The following ARIH2 variants were observed in gnomAD, a reference collection of about 807,000 sequenced individuals.
The protein encoded by ARIH2 is ariadne RBR E3 ubiquitin protein ligase 2.
In ARIH2, 12 loss-of-function variants were observed where a neutral mutation model predicts 79.8. That is an observed-to-expected ratio of 0.15 (90% confidence interval 0.10 to 0.24). ARIH2 has a LOEUF of 0.24. Ranked by LOEUF, ARIH2 falls within the 10% of genes least tolerant of loss-of-function variation. ARIH2 has a pLI of 1.00. For missense variants in ARIH2, 301 were observed against 618.3 expected, an observed-to-expected ratio of 0.49 and a Z score of 5.44; for synonymous variants, 224 against 213.9, an observed-to-expected ratio of 1.05 and a Z score of -0.41.
intron 3 of ARIH2, among the ~76,000 whole-genome samples, chr3:48,948,854 T>A (rs2089576032): frequency 6.6e-6 from 1 of 152,274 alleles, no homozygotes; most frequent in African/African-American, 2.4e-5. Flanking sequence ...TTGAGGTTCA[T>A]CCATATTGTA....
At chr3:48,943,392 T>G (rs1213913504) in intron 3 of ARIH2, 4 of 152,238 alleles carry the variant, frequency 2.6e-5, no homozygotes, top group Admixed American at 2.6e-4. Flanking sequence ...ACCTCTCCTG[T>G]ATCCCTGTGC....
rs769076040 is a variant in ARIH2, at chr3:48,974,948, C to A, written c.940-10C>A. ...CCCTTAACGTGTTTTCTTCTGTTTCCCTCTGACAGCAATGCTCCAAATGTA... is the reference window on the plus strand; with the variant it reads ...CCCTTAACGTGTTTTCTTCTGTTTCACTCTGACAGCAATGCTCCAAATGTA... On this transcript the variant is annotated splice_polypyrimidine_tract_variant and intron_variant, in intron 10 of 15. Coordinates refer to ENST00000356401, the MANE Select transcript of ARIH2 (RefSeq NM_006321.4). 6.2e-7 allele frequency: 1 copy of A among 1,614,128 alleles called. No individual in the cohort carries two copies. Among genetic ancestry groups the A allele is most frequent in the East Asian group, 2.2e-5 (1 of 44,880 alleles).
chr3:48,964,993 A>T lies in ARIH2; in HGVS notation c.387+11A>T, dbSNP rs767701364. On this transcript the variant is annotated intron_variant, in intron 5 of 15. Transcript: ENST00000356401. ...AATCCATCAAAACATGTGAGTGTCT[A>T]TTACTTGAATGAGGCTTCTCCTAAT... 1 of 1,611,096 alleles carries T rather than the reference A, an allele frequency of 6.2e-7. No individual in the cohort carries two copies. Among genetic ancestry groups the T allele is most frequent in the South Asian group, 1.1e-5 (1 of 90,948 alleles).
intron 3 of ARIH2, among the ~76,000 whole-genome samples, chr3:48,942,280 A>G (rs1576274573): frequency 6.6e-6 from 1 of 151,870 alleles, no homozygotes; most frequent in Non-Finnish European, 1.5e-5. Context: ...TGAATTCCTG[A>G]CCTCAGGAGA....
chr3:48,944,264 T>G (rs1436876419), intron 3 of ARIH2, among the ~76,000 whole-genome samples: 1 of 152,118 alleles, frequency 6.6e-6, no homozygotes, highest in Non-Finnish European at 1.5e-5. Flanking sequence ...TTCACTTTGG[T>G]AGATGTTTGA....
At chr3:48,942,777 G>A (rs759053305) in intron 3 of ARIH2, among the ~76,000 whole-genome samples, 2 of 150,676 alleles carry the variant, frequency 1.3e-5, no homozygotes, top group Admixed American at 6.7e-5. Context: ...TCAGCCTCCC[G>A]AGTAACTGGG....
intron 2 of ARIH2, among the ~76,000 whole-genome samples, chr3:48,924,351 AATTATTATT>A (rs893049798): frequency 1.3e-5 from 2 of 150,318 alleles, no homozygotes; most frequent in South Asian, 2.1e-4. Context: ...TATTTACCTG[AATTATTATT>A]ATTATTATTA....
rs750415243 is a variant in ARIH2 at position 48,918,861 on chromosome 3, T to C, written c.-299T>C. 3.1e-6 allele frequency: 5 copies of C among 1,610,490 alleles called. No homozygotes were observed. The highest frequency in any genetic ancestry group is 4.2e-6 in the Non-Finnish European group (5 of 1,179,492). ...ACTTCCGGAGCTGTGGGGACGACTCTTCTGGAGGAAGCAGCGCGGGCTTGA... is the reference window on the plus strand; with the variant it reads ...ACTTCCGGAGCTGTGGGGACGACTCCTCTGGAGGAAGCAGCGCGGGCTTGA... On this transcript the variant is annotated 5_prime_UTR_variant, in exon 1 of 16. Transcript: ENST00000356401.
intron 4 of ARIH2, among the ~76,000 whole-genome samples, chr3:48,963,680 C>G (rs951126283): frequency 1.3e-5 from 2 of 152,124 alleles, no homozygotes; most frequent in African/African-American, 4.8e-5. Flanking sequence ...AGGTTGTTTT[C>G]CAGAGTGATT....
At chr3:48,981,469 A>G (rs941820553) in intron 13 of ARIH2, among the ~76,000 whole-genome samples, 191 bp from the exon 14 acceptor site, 5 of 152,104 alleles carry the variant, frequency 3.3e-5, no homozygotes, top group Admixed American at 1.3e-4. Context: ...TTCTGTGACC[A>G]TCGTTGTTTG....
At chr3:48,934,213 C>T (rs564953204) in intron 3 of ARIH2, 9 of 351,020 alleles carry the variant, frequency 2.6e-5, no homozygotes, top group South Asian at 2.3e-4. Context: ...TCACTTGTAA[C>T]GTGATCAATT....
At chr3:48,969,474 T>C (rs1165015862) in intron 7 of ARIH2, among the ~76,000 whole-genome samples, 3 of 151,534 alleles carry the variant, frequency 2.0e-5, no homozygotes, top group African/African-American at 4.8e-5. Flanking sequence ...TAATTTTCTT[T>C]TCTTTTTCTT....
chr3:48,969,331 T>C (rs2092024087), intron 7 of ARIH2, among the ~76,000 whole-genome samples: 1 of 152,144 alleles, frequency 6.6e-6, no homozygotes, highest in African/African-American at 2.4e-5. Flanking sequence ...TTCAGTTTCC[T>C]GTGTGGTTGA....
At chr3:48,932,229 A>C (rs1162901142) in intron 3 of ARIH2, among the ~76,000 whole-genome samples, 1 of 152,152 alleles carries the variant, frequency 6.6e-6, no homozygotes. Flanking sequence ...GCTGGCATTC[A>C]AATAGTGGCA....
rs888715607 is a variant in ARIH2 at position 48,967,020 on chromosome 3, G to T, written c.388-105G>T. Reference sequence around the variant, plus strand: ...ACATTGCAGTTGAGCTCTGATACTTGTTGCAGGGTGAGGATCACTTTCCAT... The same window carrying T: ...ACATTGCAGTTGAGCTCTGATACTTTTTGCAGGGTGAGGATCACTTTCCAT... On this transcript the variant is annotated intron_variant, in intron 5 of 15. Coordinates refer to ENST00000356401, the MANE Select transcript of ARIH2 (RefSeq NM_006321.4). 2.7e-5 allele frequency: 34 copies of T among 1,241,120 alleles called. No homozygotes were observed. The Admixed American group carries it at 4.7e-4, about 17-fold the overall frequency. The allele number at this position is 1,241,120 out of a possible 1,614,324, so 76.9% of individuals were successfully genotyped here. A position where few individuals can be genotyped will look rare whatever the true frequency, so the allele number is the denominator to read the frequency against.
At chr3:48,974,787 G>A in intron 9 of ARIH2, 30 bp from the exon 10 acceptor site, 2 of 1,612,066 alleles carry the variant, frequency 1.2e-6, no homozygotes, top group Admixed American at 1.7e-5. Flanking sequence ...GGTGGTGTGT[G>A]AGCCTAATGG....
intron 14 of ARIH2, among the ~76,000 whole-genome samples, chr3:48,982,324 C>T (rs1180333129): frequency 6.6e-6 from 1 of 151,918 alleles, no homozygotes; most frequent in Non-Finnish European, 1.5e-5. Flanking sequence ...TATGATTTAC[C>T]TGCCTGGTAA....
At chr3:48,954,304 G>A (rs776449655) in intron 3 of ARIH2, among the ~76,000 whole-genome samples, 7 of 151,860 alleles carry the variant, frequency 4.6e-5, no homozygotes, top group African/African-American at 7.2e-5. Context: ...AGGCATCGTG[G>A]TGGGCACCTG....
Position 48,968,561 on chromosome 3 carries a change from C to G in ARIH2, c.566C>G (p.Pro189Arg). The change falls in exon 7 of 16, where the codon CCA (proline) becomes CGA (arginine). Residue 189 changes from proline (P) to arginine (R), a missense_variant. Pro to Arg is a moderately radical substitution (Grantham distance 103). Transcript: ENST00000356401. ...GTCTCTTGCATGGCTCAGGACTGTCCACTCCGTACACCAGAGGACTTTGTG... is the reference window on the plus strand; with the variant it reads ...GTCTCTTGCATGGCTCAGGACTGTCGACTCCGTACACCAGAGGACTTTGTG... ...VGVSCMAQDCPLRTPEDFVFP... is the reference protein window; with the variant it reads ...VGVSCMAQDCRLRTPEDFVFP... 6.2e-7 allele frequency: 1 copy of G among 1,610,946 alleles called. No homozygotes were observed. The highest frequency in any genetic ancestry group is 2.2e-5 in the East Asian group (1 of 44,714).
Sources: gnomAD v4.1 joint callset for allele counts (sites outside exome capture counted in the v4.1 genomes callset) on GRCh38, gnomAD v4.1.1 for gene constraint, MANE v1.5 for transcripts, NCBI Gene and HGNC (gene_info 2026-07-23, HGNC 2026-07-21) for gene names.